CFAP299: variants seen among roughly 807,000 people sequenced by gnomAD.
The protein encoded by CFAP299 is cilia- and flagella-associated protein 299.
Under a neutral mutation model 27.0 loss-of-function variants are expected in CFAP299, and 21 were observed. That is an observed-to-expected ratio of 0.78 (90% CI 0.55 to 1.12). The LOEUF is 1.12. Among genes scored for constraint, CFAP299 ranks in the 50% most tolerant of loss-of-function variants. CFAP299 has a pLI of 0.00. For synonymous variants in CFAP299, 104 were observed against 98.1 expected (o/e 1.06, Z -0.36); for missense variants, 310 against 276.6 (o/e 1.12, Z -0.86).
At chr4:80,485,061 T>C (rs1350684617) in intron 2 of CFAP299, among the ~76,000 whole-genome samples, 2 of 152,046 alleles carry the variant, frequency 1.3e-5, no homozygotes, top group African/African-American at 4.8e-5. Flanking sequence ...GACCAGGCTT[T>C]CCTCAGCTAG....
chr4:80,454,916 T>A (rs926047339), intron 2 of CFAP299, among the ~76,000 whole-genome samples: 1 of 152,230 alleles, frequency 6.6e-6, no homozygotes, highest in South Asian at 2.1e-4. Flanking sequence ...GATGAAATCA[T>A]AGGGAGTTGA....
At chr4:80,955,367 T>C (rs1441310551) in intron 5 of CFAP299, among the ~76,000 whole-genome samples, 1 of 152,166 alleles carries the variant, frequency 6.6e-6, no homozygotes, top group African/African-American at 2.4e-5. Context: ...AATCTAAAAA[T>C]GTATAGCCAT....
chr4:80,358,404 G>A (rs972982800), intron 1 of CFAP299, among the ~76,000 whole-genome samples: 13 of 151,994 alleles, frequency 8.6e-5, no homozygotes, highest in Admixed American at 2.0e-4. Context: ...TTTCTGTCTC[G>A]ATGATCTGTT....
chr4:80,460,476 C>G (rs921150609), intron 2 of CFAP299, among the ~76,000 whole-genome samples: 1 of 152,130 alleles, frequency 6.6e-6, no homozygotes, highest in African/African-American at 2.4e-5. Context: ...TGGCCAGACC[C>G]TGCACTTTCT....
At position 80,386,771 on chromosome 4, in the gene CFAP299, A is replaced by T; in HGVS notation, c.242+23887A>T. The T allele has an allele frequency of 8.3e-6, 11 of 1,327,960 alleles. No homozygotes were observed. The South Asian group carries it at 1.3e-4, about 16-fold the overall frequency. 82.3% of individuals were successfully genotyped at this position (1,327,960 alleles called of 1,614,324 possible). On this transcript the variant is annotated intron_variant, in intron 2 of 5. Coordinates refer to ENST00000358105, the MANE Select transcript of CFAP299 (RefSeq NM_152770.3). ...GGCCTTCAGCTTGTCCGGCCGGTTG[A>T]ACAACTTACCGCAGCTTGTGTGCGT...
upstream of CFAP299, among the ~76,000 whole-genome samples, chr4:80,332,741 A>G (rs1721985501): frequency 6.6e-6 from 1 of 152,174 alleles, no homozygotes; most frequent in African/African-American, 2.4e-5. Context: ...ATTGTAGGGC[A>G]ATGCTGGGCA....
chr4:80,594,124 G>A (rs1349844598), intron 3 of CFAP299, among the ~76,000 whole-genome samples: 1 of 152,064 alleles, frequency 6.6e-6, no homozygotes, highest in East Asian at 1.9e-4. Flanking sequence ...TTTTCGCACT[G>A]CTATAAAGAA....
chr4:80,494,239 T>G (rs1334689004), intron 2 of CFAP299, among the ~76,000 whole-genome samples: 1 of 152,204 alleles, frequency 6.6e-6, no homozygotes, highest in African/African-American at 2.4e-5. Flanking sequence ...CAAGTCCTAT[T>G]GGTTCTACCT....
intron 2 of CFAP299, among the ~76,000 whole-genome samples, chr4:80,393,960 G>A (rs1007771849): frequency 1.3e-5 from 2 of 152,104 alleles, no homozygotes; most frequent in South Asian, 2.1e-4. Context: ...GGATCATGGG[G>A]GCGGCTTCCC....
At chr4:80,918,113 A>G (rs1301927519) in intron 4 of CFAP299, among the ~76,000 whole-genome samples, 3 of 152,164 alleles carry the variant, frequency 2.0e-5, no homozygotes, top group Non-Finnish European at 4.4e-5. Flanking sequence ...CCAATCAAGC[A>G]TGATTTCTTT....
intron 1 of CFAP299, among the ~76,000 whole-genome samples, chr4:80,354,931 T>C (rs1479708045): frequency 6.6e-6 from 1 of 152,218 alleles, no homozygotes; most frequent in Non-Finnish European, 1.5e-5. Context: ...TTAATGGGCA[T>C]TTAGATTGAA....
intron 3 of CFAP299, among the ~76,000 whole-genome samples, chr4:80,621,634 T>C (rs1005332731): frequency 6.6e-6 from 1 of 152,078 alleles, no homozygotes; most frequent in African/African-American, 2.4e-5. Context: ...TTGAAAATCC[T>C]GGGATAAATG....
At chr4:80,763,470 GA>G (rs1202315865) in intron 3 of CFAP299, among the ~76,000 whole-genome samples, 11 of 151,830 alleles carry the variant, frequency 7.2e-5, no homozygotes, top group Admixed American at 2.0e-4. Context: ...TAAACAAATG[GA>G]AAAACATTCC....
intron 2 of CFAP299, among the ~76,000 whole-genome samples, chr4:80,506,335 GGTT>G (rs1249803505): frequency 1.3e-5 from 2 of 152,022 alleles, no homozygotes; most frequent in African/African-American, 4.8e-5. Flanking sequence ...ATATTCATAT[GGTT>G]GTTATTACTG....
intron 4 of CFAP299, among the ~76,000 whole-genome samples, chr4:80,921,876 T>A (rs554011486): frequency 1.6e-4 from 24 of 151,850 alleles, no homozygotes; most frequent in African/African-American, 5.1e-4. Context: ...GGTGAATGAA[T>A]GAAAATGGGA....
intron 2 of CFAP299, among the ~76,000 whole-genome samples, chr4:80,383,636 A>G (rs994232708): frequency 6.6e-6 from 1 of 152,202 alleles, no homozygotes; most frequent in Non-Finnish European, 1.5e-5. Flanking sequence ...TAGTCTTGAC[A>G]TTATCACAAT....
At chr4:80,860,289 G>A (rs1021823585) in intron 3 of CFAP299, among the ~76,000 whole-genome samples, 5 of 151,968 alleles carry the variant, frequency 3.3e-5, no homozygotes. Context: ...TCTCTGTATT[G>A]GTTATTCTAG....
At chr4:80,686,153 G>A (rs1162635241) in intron 3 of CFAP299, among the ~76,000 whole-genome samples, 1 of 151,956 alleles carries the variant, frequency 6.6e-6, no homozygotes, top group Non-Finnish European at 1.5e-5. Context: ...TAATGCTATT[G>A]GAATCAAACC....
chr4:80,799,729 A>G, intron 3 of CFAP299, among the ~76,000 whole-genome samples: 6 of 52,776 alleles, frequency 1.1e-4, no homozygotes, highest in African/African-American at 1.7e-4. Context: ...ATATTTTATA[A>G]ATATATATAT....
Sources: allele counts gnomAD v4.1 joint callset (sites outside exome capture counted in the v4.1 genomes callset), GRCh38; gene constraint gnomAD v4.1.1; transcripts MANE v1.5; gene names NCBI Gene and HGNC (gene_info 2026-07-23, HGNC 2026-07-21).